The following NCAM2 variants were observed in gnomAD, a reference collection of about 807,000 sequenced individuals.
NCAM2 encodes N-CAM-2.
NCAM2 carries 30 observed loss-of-function variants against 98.1 expected under a neutral mutation model. That is an observed-to-expected ratio of 0.31 (90% CI 0.23 to 0.41). The LOEUF (loss-of-function observed/expected upper bound fraction) is 0.41. Among genes scored for constraint, NCAM2 ranks in the 10% least tolerant of loss-of-function variants. The pLI, the probability that NCAM2 is intolerant of heterozygous loss-of-function variation, is 1.00. For missense variants in NCAM2, 867 were observed against 1,005.8 expected (o/e 0.86, Z 1.87); for synonymous variants, 368 against 342.4 (o/e 1.07, Z -0.83).
rs1029216312 is a variant in NCAM2, at chr21:21,222,061, C to T, written c.56-58517C>T. ...AATCTCCTCTGCCTGTGCATGTAAG[C>T]AGACCAACAAAGCCTGGATGACAGC... On this transcript the variant is annotated intron_variant, in intron 1 of 17. Transcript: ENST00000400546. 3.3e-5 allele frequency among the ~76,000 whole-genome samples: 5 copies of T among 152,186 alleles called. No individual in the cohort carries two copies. The East Asian group carries it at 5.8e-4, about 18-fold the overall frequency.
At chr21:21,366,028 C>T (rs1602119243) in intron 8 of NCAM2, among the ~76,000 whole-genome samples, 1 of 152,082 alleles carries the variant, frequency 6.6e-6, no homozygotes, top group South Asian at 2.1e-4. Flanking sequence ...CTTTTCCATG[C>T]TGTGAGTATG....
At chr21:21,221,635 C>A (rs1425705180) in intron 1 of NCAM2, among the ~76,000 whole-genome samples, 1 of 152,100 alleles carries the variant, frequency 6.6e-6, no homozygotes, top group Non-Finnish European at 1.5e-5. Context: ...TTCAATTTTG[C>A]AAAGGCTGTG....
chr21:21,412,027 AT>A (rs1270755414), intron 10 of NCAM2, among the ~76,000 whole-genome samples: 1 of 152,342 alleles, frequency 6.6e-6, no homozygotes, highest in African/African-American at 2.4e-5. Context: ...CTCAGGTTAG[AT>A]TTAACTTGTT....
intron 3 of NCAM2, 141 bp from the exon 4 acceptor site, chr21:21,286,128 A>T: frequency 1.1e-6 from 1 of 882,738 alleles, no homozygotes; most frequent in Non-Finnish European, 1.7e-6. Context: ...TAGATTATCT[A>T]GTTTAAGATT....
At chr21:21,508,038 A>G (rs1319711114) in intron 15 of NCAM2, among the ~76,000 whole-genome samples, 1 of 152,064 alleles carries the variant, frequency 6.6e-6, no homozygotes, top group Non-Finnish European at 1.5e-5. Context: ...TCCACTTGCC[A>G]TTTCAATTTT....
chr21:21,035,952 A>G (rs776513519), intron 1 of NCAM2, among the ~76,000 whole-genome samples: 9 of 152,178 alleles, frequency 5.9e-5, no homozygotes, highest in Non-Finnish European at 1.2e-4. Flanking sequence ...CTAATAACCT[A>G]TCCATACAAA....
intron 1 of NCAM2, among the ~76,000 whole-genome samples, chr21:21,203,892 A>T (rs1482943296): frequency 6.6e-6 from 1 of 152,144 alleles, no homozygotes; most frequent in Non-Finnish European, 1.5e-5. Flanking sequence ...TTCATTTTAC[A>T]TGAGTTCTTC....
At chr21:21,412,346 C>A (rs1398247433) in intron 10 of NCAM2, among the ~76,000 whole-genome samples, 1 of 152,172 alleles carries the variant, frequency 6.6e-6, no homozygotes, top group Non-Finnish European at 1.5e-5. Context: ...TCTTAAAGAT[C>A]CTATCTCCAA....
At chr21:21,114,149 G>A (rs886312309) in intron 1 of NCAM2, among the ~76,000 whole-genome samples, 4 of 152,058 alleles carry the variant, frequency 2.6e-5, no homozygotes, top group African/African-American at 9.7e-5. Context: ...AAAATAATAA[G>A]CATTTTGAGT....
chr21:21,284,314 A>T lies in NCAM2; in HGVS notation c.251A>T (p.Asn84Ile). ...TCACGGTTAACCATCTACAATGCAA[A>T]TATAGAAGATGCAGGGATATATCGT... is the stretch of plus-strand genomic sequence containing the variant. ...VRSRLTIYNA[N>I]IEDAGIYRCQ... Residue 84 changes from asparagine to isoleucine, a missense_variant, in exon 3 of 18, where the codon AAT (asparagine) becomes ATT (isoleucine). Asn to Ile is a moderately radical substitution (Grantham distance 149, BLOSUM62 -3). Transcript: ENST00000400546. 1 of 1,612,152 alleles carries T rather than the reference A, an allele frequency of 6.2e-7. No individual in the cohort carries two copies. The highest frequency in any genetic ancestry group is 8.5e-7 in the Non-Finnish European group (1 of 1,178,486).
At chr21:21,160,058 A>G (rs1055065101) in intron 1 of NCAM2, among the ~76,000 whole-genome samples, 2 of 151,826 alleles carry the variant, frequency 1.3e-5, no homozygotes, top group African/African-American at 4.8e-5. Flanking sequence ...GGTAGATCTC[A>G]GTTAGACTCC....
intron 1 of NCAM2, among the ~76,000 whole-genome samples, chr21:21,145,221 T>A (rs1305443710): frequency 1.3e-5 from 2 of 152,184 alleles, no homozygotes; most frequent in African/African-American, 4.8e-5. Flanking sequence ...CATGCTAATA[T>A]GAATTACAAA....
chr21:21,115,439 G>C (rs1017061275), intron 1 of NCAM2, among the ~76,000 whole-genome samples: 5 of 152,076 alleles, frequency 3.3e-5, no homozygotes, highest in Non-Finnish European at 7.3e-5. Flanking sequence ...TTTACACTCA[G>C]TTTCTCTCCC....
intron 16 of NCAM2, among the ~76,000 whole-genome samples, chr21:21,520,298 A>C (rs888283416): frequency 1.1e-4 from 16 of 152,150 alleles, no homozygotes; most frequent in Non-Finnish European, 2.2e-4. Context: ...AATGATAAAT[A>C]ATTTTTATAA....
At chr21:21,013,618 C>T (rs1193823882) in intron 1 of NCAM2, among the ~76,000 whole-genome samples, 1 of 152,018 alleles carries the variant, frequency 6.6e-6, no homozygotes, top group Non-Finnish European at 1.5e-5. Context: ...CCCGCCTCTA[C>T]TAAAAATACA....
intron 8 of NCAM2, among the ~76,000 whole-genome samples, chr21:21,366,763 C>T (rs1313415437): frequency 2.0e-5 from 3 of 152,028 alleles, no homozygotes; most frequent in Non-Finnish European, 4.4e-5. Flanking sequence ...CATCAAATCC[C>T]ATGTATATGT....
At chr21:21,118,235 A>G (rs34151871) in intron 1 of NCAM2, among the ~76,000 whole-genome samples, 16,584 of 152,224 alleles carry the variant, frequency 0.11, 955 homozygotes, top group Admixed American at 0.14. Flanking sequence ...GATTAATTAT[A>G]TAGACCATCA....
intron 12 of NCAM2, chr21:21,463,807 G>A (rs1276635337): frequency 6.6e-6 from 1 of 152,072 alleles, no homozygotes. Context: ...AAGCCAGAAA[G>A]AGCTTTTGCC....
chr21:21,239,219 A>G (rs994687081), intron 1 of NCAM2: 1 of 152,186 alleles, frequency 6.6e-6, no homozygotes, highest in Non-Finnish European at 1.5e-5. Flanking sequence ...TCCCTGAGGC[A>G]TTGGCAACCC....
Sources: gnomAD v4.1 joint callset for allele counts (sites outside exome capture counted in the v4.1 genomes callset) on GRCh38, gnomAD v4.1.1 for gene constraint, MANE v1.5 for transcripts, NCBI Gene and HGNC (gene_info 2026-07-23, HGNC 2026-07-21) for gene names.